Variants in ANO4 observed in about 807,000 individuals in gnomAD.
ANO4 encodes the protein anoctamin 4.
In ANO4, 69 loss-of-function variants were observed where a neutral mutation model predicts 141.9. The ratio of observed to expected loss-of-function variants is 0.49; its 90% CI spans 0.40 to 0.59. The LOEUF (loss-of-function observed/expected upper bound fraction) is 0.59. Ranked by LOEUF, ANO4 falls within the 20% of genes least tolerant of loss-of-function variation. The pLI, the probability that ANO4 is intolerant of heterozygous loss-of-function variation, is 0.00. For missense variants in ANO4, 894 were observed against 1,162.2 expected (o/e 0.77, Z 3.36); for synonymous variants, 350 against 394.3 (o/e 0.89, Z 1.33).
intron 1 of ANO4, among the ~76,000 whole-genome samples, chr12:100,870,675 T>C (rs1390822511): frequency 1.3e-5 from 2 of 152,174 alleles, no homozygotes; most frequent in African/African-American, 2.4e-5. Flanking sequence ...TTTTATGGAC[T>C]GGAGGACAAT....
intron 1 of ANO4, among the ~76,000 whole-genome samples, chr12:100,823,877 C>T (rs919299964): frequency 2.0e-5 from 3 of 152,034 alleles, no homozygotes; most frequent in Non-Finnish European, 4.4e-5. Flanking sequence ...TAGGCAATTA[C>T]AGTTCACAAA....
At chr12:100,911,545 C>A (rs148496002) in intron 2 of ANO4, among the ~76,000 whole-genome samples, 1 of 152,318 alleles carries the variant, frequency 6.6e-6, no homozygotes, top group East Asian at 1.9e-4. Flanking sequence ...TGTAGCTTCT[C>A]TTTCTGGTCT....
intron 21 of ANO4, among the ~76,000 whole-genome samples, chr12:101,098,898 A>C (rs1028256676): frequency 6.6e-6 from 1 of 152,022 alleles, no homozygotes; most frequent in Non-Finnish European, 1.5e-5. Flanking sequence ...CTACTCCTGG[A>C]TATCCTTCAA....
At chr12:101,022,554 G>T (rs2046575758) in intron 9 of ANO4, among the ~76,000 whole-genome samples, 2 of 152,050 alleles carry the variant, frequency 1.3e-5, no homozygotes, top group African/African-American at 4.8e-5. Flanking sequence ...AACAAACTTA[G>T]GATGTGCTAT....
intron 1 of ANO4, among the ~76,000 whole-genome samples, chr12:100,860,477 A>G (rs1038840889): frequency 1.3e-5 from 2 of 152,204 alleles, no homozygotes; most frequent in African/African-American, 4.8e-5. Context: ...CTTCCCAGGA[A>G]GGATTTCAGG....
chr12:101,030,159 C>T lies in ANO4; in HGVS notation c.842-6936C>T, dbSNP rs138231383. Among the ~76,000 whole-genome samples, 1,396 of 152,124 alleles carry T rather than the reference C, an allele frequency of 9.2e-3. 29 individuals are homozygous for T. Among genetic ancestry groups the T allele is most frequent in the African/African-American group, 0.032 (1,334 of 41,476 alleles). On this transcript the variant is annotated intron_variant, in intron 9 of 27. Coordinates refer to ENST00000392977, the MANE Select transcript of ANO4 (RefSeq NM_001286615.2). ...TAGACATCTACAGAACTCTCCACCC[C>T]AAATCAATAGAATATACATTCTCAG...
intron 8 of ANO4, among the ~76,000 whole-genome samples, chr12:101,001,444 C>G (rs537137825): frequency 6.6e-6 from 1 of 152,184 alleles, no homozygotes; most frequent in Admixed American, 6.5e-5. Context: ...CTTTTTTGAC[C>G]CTTGCAAAAA....
At chr12:100,741,243 T>A (rs968865992) in intron 3 of ANO4, among the ~76,000 whole-genome samples, 6 of 152,186 alleles carry the variant, frequency 3.9e-5, no homozygotes, top group African/African-American at 1.2e-4. Context: ...GTAATTCTGG[T>A]TCTGGAAATA....
intron 18 of ANO4, among the ~76,000 whole-genome samples, chr12:101,095,796 C>T (rs972689817): frequency 8.5e-5 from 13 of 152,124 alleles, no homozygotes; most frequent in African/African-American, 2.9e-4. Context: ...TAAATTCATT[C>T]GACATGAGAT....
At chr12:100,854,905 T>C (rs1273193069) in intron 1 of ANO4, among the ~76,000 whole-genome samples, 1 of 152,202 alleles carries the variant, frequency 6.6e-6, no homozygotes, top group African/African-American at 2.4e-5. Flanking sequence ...CCATGTGTCC[T>C]GGCTTCTCAT....
At chr12:101,076,563 C>T (rs1202548160) in intron 14 of ANO4, among the ~76,000 whole-genome samples, 1 of 152,156 alleles carries the variant, frequency 6.6e-6, no homozygotes, top group African/African-American at 2.4e-5. Flanking sequence ...TTGTGACAGC[C>T]ACTGGCTCAT....
chr12:101,068,420 G>A (rs561228305), intron 14 of ANO4: 8 of 927,954 alleles, frequency 8.6e-6, no homozygotes, highest in African/African-American at 3.2e-5. Flanking sequence ...TGAGTATCTC[G>A]CTGTTTTTAA....
At chr12:101,005,975 C>G (rs2045855182) in intron 8 of ANO4, among the ~76,000 whole-genome samples, 1 of 152,146 alleles carries the variant, frequency 6.6e-6, no homozygotes, top group African/African-American at 2.4e-5. Context: ...CTCTCCATTT[C>G]TCTTGGTTGT....
intron 1 of ANO4, among the ~76,000 whole-genome samples, chr12:100,877,185 A>T (rs777678992): frequency 9.2e-5 from 14 of 152,142 alleles, no homozygotes; most frequent in African/African-American, 1.7e-4. Context: ...AGGAAGGCTA[A>T]GTTCTGGAGA....
At chr12:101,067,325 A>G (rs572545399) in intron 14 of ANO4, among the ~76,000 whole-genome samples, 1 of 152,174 alleles carries the variant, frequency 6.6e-6, no homozygotes, top group Admixed American at 6.5e-5. Flanking sequence ...TTTCTCTGGT[A>G]TGTTCTTTCC....
chr12:100,897,865 T>C (rs532426154), intron 1 of ANO4, among the ~76,000 whole-genome samples: 3 of 152,196 alleles, frequency 2.0e-5, no homozygotes, highest in Admixed American at 2.0e-4. Flanking sequence ...CTTTAAGAGC[T>C]TAGGCCAAAG....
At chr12:100,942,626 C>A in intron 5 of ANO4, 91 bp downstream of exon 5, 1 of 1,327,452 alleles carries the variant, frequency 7.5e-7, no homozygotes, top group Non-Finnish European at 1.0e-6. Flanking sequence ...TTAATGTTAA[C>A]CAAACATTTC....
intron 1 of ANO4, among the ~76,000 whole-genome samples, chr12:100,808,756 A>G (rs562109307): frequency 1.3e-5 from 2 of 152,374 alleles, no homozygotes; most frequent in East Asian, 1.9e-4. Context: ...GAAACTTTGC[A>G]TAAGTAAATG....
intron 19 of ANO4, among the ~76,000 whole-genome samples, chr12:101,097,222 C>G (rs1353094617): frequency 6.6e-6 from 1 of 152,106 alleles, no homozygotes; most frequent in Non-Finnish European, 1.5e-5. Flanking sequence ...TTGGTGAGAT[C>G]AACACAGCAG....
Sources: gnomAD v4.1 joint callset for allele counts (sites outside exome capture counted in the v4.1 genomes callset) on GRCh38, gnomAD v4.1.1 for gene constraint, MANE v1.5 for transcripts, NCBI Gene and HGNC (gene_info 2026-07-23, HGNC 2026-07-21) for gene names.